The following EIF1AX variants were observed in gnomAD, a reference collection of about 807,000 sequenced individuals.
The protein encoded by EIF1AX is eukaryotic translation initiation factor 1A, X-chromosomal.
Under a neutral mutation model 16.1 loss-of-function variants are expected in EIF1AX, and 1 was observed. That is an observed-to-expected ratio of 0.06 (90% confidence interval 0.02 to 0.30). The LOEUF is 0.30. Ranked by LOEUF, EIF1AX falls within the 10% of genes least tolerant of loss-of-function variation. The pLI is 1.00. For missense variants in EIF1AX, 11 were observed against 109.1 expected, an observed-to-expected ratio of 0.10 and a Z score of 4.00; for synonymous variants, 32 against 37.3, an observed-to-expected ratio of 0.86 and a Z score of 0.51.
intron 2 of EIF1AX, chrX:20,136,085 G>C: frequency 3.0e-6 from 1 of 333,259 alleles, no homozygotes. Flanking sequence ...GTCAAGTGTA[G>C]AAAACTTCAT....
chrX:20,135,203 T>G (rs954104375), intron 3 of EIF1AX, among the ~76,000 whole-genome samples: 1 of 109,478 alleles, frequency 9.1e-6, no homozygotes, highest in African/African-American at 3.3e-5. Flanking sequence ...TCCCAGCATT[T>G]TGGGAGGCCA....
chrX:20,131,665 G>GCCCTTGCT (rs1229361566), intron 5 of EIF1AX, among the ~76,000 whole-genome samples: 3 of 103,277 alleles, frequency 2.9e-5, no homozygotes, highest in Non-Finnish European at 5.9e-5. Flanking sequence ...CTAATTACTT[G>GCCCTTGCT]CCCTTGCTTC....
chrX:20,130,500 A>C lies in EIF1AX; in HGVS notation c.429+16T>G. 1 of 1,175,993 alleles carries C rather than the reference A, an allele frequency of 8.5e-7. No homozygotes were observed. The highest frequency in any genetic ancestry group is 3.1e-5 in the East Asian group (1 of 32,399). ...ATAATAACAAAAATTGGAAAACACAAGGTACATCTACTTACGTCATCAATA... is the reference window on the plus strand; with the variant it reads ...ATAATAACAAAAATTGGAAAACACACGGTACATCTACTTACGTCATCAATA... On this transcript the variant is annotated intron_variant, in intron 6 of 6. Transcript: ENST00000379607.
At chrX:20,139,244 T>C (rs775088294) in intron 1 of EIF1AX, among the ~76,000 whole-genome samples, 5 of 111,962 alleles carry the variant, frequency 4.5e-5, no homozygotes, top group Non-Finnish European at 7.5e-5. Flanking sequence ...AGAAGATCTG[T>C]TCGGTACCCA....
intron 4 of EIF1AX, among the ~76,000 whole-genome samples, chrX:20,132,800 GTTCTT>G (rs2067005015): frequency 8.9e-6 from 1 of 112,226 alleles, no homozygotes; most frequent in African/African-American, 3.2e-5. Context: ...ATTGTGAGAA[GTTCTT>G]TAGGTATTTC....
intron 2 of EIF1AX, among the ~76,000 whole-genome samples, chrX:20,137,486 A>G (rs184846842): frequency 1.7e-3 from 184 of 111,289 alleles, no homozygotes; most frequent in South Asian, 3.8e-3. Context: ...ATTTCTTTAT[A>G]TGTGTGTGTA....
chrX:20,141,666 C>T lies in EIF1AX; in HGVS notation c.-26G>A, dbSNP rs761590155. On this transcript the variant is annotated 5_prime_UTR_variant, in exon 1 of 7. Coordinates refer to ENST00000379607, the MANE Select transcript of EIF1AX (RefSeq NM_001412.4). ...GGCGGTGGCGGCGACCTCGCGGCGT[C>T]TCTGACTTCTTTCCGGGTAGCGGCG... 166 of 1,150,238 alleles carry T rather than the reference C, an allele frequency of 1.4e-4. No individual in the cohort carries two copies. The highest frequency in any genetic ancestry group is 1.8e-4 in the Non-Finnish European group (157 of 864,202). 94.8% of individuals were successfully genotyped at this position (1,150,238 alleles called of 1,213,427 possible).
At chrX:20,140,779 G>A (rs1403360848) in intron 1 of EIF1AX, among the ~76,000 whole-genome samples, 1 of 111,454 alleles carries the variant, frequency 9.0e-6, no homozygotes, top group Non-Finnish European at 1.9e-5. Flanking sequence ...AAGTTATACG[G>A]CTATTAAAAA....
intron 5 of EIF1AX, among the ~76,000 whole-genome samples, chrX:20,131,931 C>T (rs1327280900): frequency 9.2e-6 from 1 of 108,360 alleles, no homozygotes; most frequent in Non-Finnish European, 1.9e-5. Context: ...GATACTATAA[C>T]AAAATTATTC....
intron 6 of EIF1AX, 84 bp downstream of exon 6, chrX:20,130,432 C>T: frequency 2.1e-6 from 2 of 947,081 alleles, no homozygotes; most frequent in Non-Finnish European, 2.7e-6. Context: ...GTCCCATGTT[C>T]TTAAAATTAA....
At chrX:20,140,057 T>C (rs186372276) in intron 1 of EIF1AX, 2 of 112,489 alleles carry the variant, frequency 1.8e-5, no homozygotes, top group African/African-American at 6.5e-5. Context: ...TAGGTCTGAG[T>C]GTACAACAAT....
chrX:20,135,523 G>A (rs891679722), intron 3 of EIF1AX, among the ~76,000 whole-genome samples: 7 of 111,582 alleles, frequency 6.3e-5, no homozygotes, highest in Non-Finnish European at 1.3e-4. Flanking sequence ...TTTTGGGCAG[G>A]AATACAATAC....
intron 2 of EIF1AX, 172 bp from the exon 3 acceptor site, chrX:20,136,013 C>A (rs1328017925): frequency 4.7e-6 from 2 of 425,222 alleles, no homozygotes; most frequent in Non-Finnish European, 4.2e-6. Context: ...TAGTTAACGG[C>A]AGAGCTAGAA....
At chrX:20,134,411 T>C (rs1309223139) in intron 3 of EIF1AX, among the ~76,000 whole-genome samples, 1 of 104,996 alleles carries the variant, frequency 9.5e-6, no homozygotes, top group Non-Finnish European at 2.0e-5. Flanking sequence ...AATAAACTTC[T>C]TTAAAAGAAA....
At chrX:20,136,113 G>A (rs1420539774) in intron 2 of EIF1AX, 3 of 297,567 alleles carry the variant, frequency 1.0e-5, no homozygotes, top group Middle Eastern at 6.5e-4. Context: ...AAGGTCAGTC[G>A]TAAAACCTTT....
chrX:20,125,528 TAAC>T lies in EIF1AX; in HGVS notation c.*2775_*2777del, dbSNP rs991550057. On this transcript the variant is annotated 3_prime_UTR_variant, in exon 7 of 7. Transcript: ENST00000379607. ...CATTTTCATCTTTATGACAGTCAGG[TAAC>T]ATCAAAAAAACCTTGCTTTCATTCT... The T allele has an allele frequency of 5.9e-6, 1 of 168,860 alleles. No individual in the cohort carries two copies. The highest frequency in any genetic ancestry group is 8.0e-5 in the Admixed American group (1 of 12,461). The allele number at this position is 168,860 out of a possible 1,213,427, so 13.9% of individuals were successfully genotyped here. A position where few individuals can be genotyped will look rare whatever the true frequency, so the allele number is the denominator to read the frequency against.
chrX:20,141,363 C>G (rs1343186777), intron 1 of EIF1AX, among the ~76,000 whole-genome samples: 1 of 111,905 alleles, frequency 8.9e-6, no homozygotes, highest in Non-Finnish European at 1.9e-5. Context: ...TGGCGCGAAT[C>G]AGGAGCAAAA....
In EIF1AX at chrX:20,135,847, G is replaced by C. The variant is rs181821614; in HGVS notation, c.101-6C>G. 1 of 1,158,526 alleles carries C rather than the reference G, an allele frequency of 8.6e-7. No individual in the cohort carries two copies. The highest frequency in any genetic ancestry group is 1.2e-6 in the Non-Finnish European group (1 of 848,805). On this transcript the variant is annotated splice_polypyrimidine_tract_variant and splice_region_variant and intron_variant, in intron 2 of 6. Transcript: ENST00000379607. ...TTTGATTACCTGAGCATACTCTAGC[G>C]GGGAGAAAGGAAAAGGGTATGGAAT...
intron 2 of EIF1AX, among the ~76,000 whole-genome samples, chrX:20,136,854 G>T (rs976632729): frequency 8.1e-5 from 9 of 111,668 alleles, no homozygotes; most frequent in African/African-American, 2.9e-4. Context: ...AGGCAAGGAT[G>T]ACCAAGGCTA....
Sources: allele counts gnomAD v4.1 joint callset (sites outside exome capture counted in the v4.1 genomes callset), GRCh38; gene constraint gnomAD v4.1.1; transcripts MANE v1.5; gene names NCBI Gene and HGNC (gene_info 2026-07-23, HGNC 2026-07-21).